CORIN: variants seen among roughly 807,000 people sequenced by gnomAD.
The protein encoded by CORIN is atrial natriuretic peptide-converting enzyme.
Under a neutral mutation model 125.3 loss-of-function variants are expected in CORIN, and 117 were observed. That is an observed-to-expected ratio of 0.93 (90% CI 0.80 to 1.09). The LOEUF is 1.09. Among genes scored for constraint, CORIN ranks in the 50% least tolerant of loss-of-function variants. CORIN has a pLI of 0.00. For synonymous variants in CORIN, 450 were observed against 466.4 expected (o/e 0.96, Z 0.45); for missense variants, 1,253 against 1,306.7 (o/e 0.96, Z 0.63).
At chr4:47,693,740 T>C (rs571000416) in intron 5 of CORIN, among the ~76,000 whole-genome samples, 1 of 152,364 alleles carries the variant, frequency 6.6e-6, no homozygotes, top group South Asian at 2.1e-4. Context: ...TTTTTGCTTT[T>C]AATATTTTGG....
chr4:47,648,749 C>T (rs759679019), intron 13 of CORIN, among the ~76,000 whole-genome samples: 3 of 152,132 alleles, frequency 2.0e-5, no homozygotes, highest in South Asian at 2.1e-4. Flanking sequence ...GGAGTGGAGC[C>T]GCTCACAAGG....
chr4:47,761,508 C>CACACACAT (rs397965153), intron 4 of CORIN, among the ~76,000 whole-genome samples: 2 of 151,190 alleles, frequency 1.3e-5, no homozygotes, highest in African/African-American at 4.9e-5. Context: ...CACACACACA[C>CACACACAT]ATATACACAA....
intron 20 of CORIN, among the ~76,000 whole-genome samples, chr4:47,601,193 G>C (rs1483904630): frequency 6.6e-6 from 1 of 152,130 alleles, no homozygotes; most frequent in African/African-American, 2.4e-5. Flanking sequence ...GCACTAGTGG[G>C]TCTCATTGCC....
chr4:47,801,199 A>C (rs1163283750), intron 2 of CORIN, among the ~76,000 whole-genome samples: 1 of 152,240 alleles, frequency 6.6e-6, no homozygotes, highest in Non-Finnish European at 1.5e-5. Flanking sequence ...ACCTGCTTTC[A>C]CTGTTGAATT....
intron 12 of CORIN, among the ~76,000 whole-genome samples, chr4:47,656,076 A>G (rs1723965075): frequency 6.6e-6 from 1 of 152,144 alleles, no homozygotes; most frequent in South Asian, 2.1e-4. Context: ...GAACATTGAC[A>G]TAAAAGTCCT....
chr4:47,812,315 T>C (rs1346333424), intron 1 of CORIN, among the ~76,000 whole-genome samples: 2 of 152,016 alleles, frequency 1.3e-5, no homozygotes, highest in Non-Finnish European at 2.9e-5. Context: ...CTGGACAATA[T>C]AGTGAGACCT....
intron 4 of CORIN, among the ~76,000 whole-genome samples, chr4:47,747,630 TAA>T (rs560470758): frequency 1.4e-3 from 215 of 152,320 alleles, no homozygotes; most frequent in Non-Finnish European, 1.2e-3. Flanking sequence ...GTTCTAAAGT[TAA>T]GTCTTTAATT....
chr4:47,826,329 G>A (rs769908421), intron 1 of CORIN, among the ~76,000 whole-genome samples: 16 of 152,204 alleles, frequency 1.1e-4, no homozygotes, highest in Non-Finnish European at 2.1e-4. Context: ...GTTTCTTCTT[G>A]CTGCTGTAAC....
chr4:47,688,155 C>G (rs565215378), intron 6 of CORIN, among the ~76,000 whole-genome samples: 1 of 152,268 alleles, frequency 6.6e-6, no homozygotes, highest in East Asian at 1.9e-4. Flanking sequence ...TAGCTTTAAT[C>G]CCATCTTTTC....
chr4:47,694,715 G>A (rs1725907352), intron 5 of CORIN, among the ~76,000 whole-genome samples: 1 of 152,166 alleles, frequency 6.6e-6, no homozygotes. Flanking sequence ...GGAGTGCCTG[G>A]CACTCAGGAG....
intron 2 of CORIN, among the ~76,000 whole-genome samples, chr4:47,794,485 T>A (rs904215562): frequency 2.6e-5 from 4 of 152,206 alleles, no homozygotes; most frequent in African/African-American, 9.6e-5. Flanking sequence ...TTCCATCATA[T>A]TAAGAAAACT....
At chr4:47,700,465 G>A (rs992645538) in intron 5 of CORIN, among the ~76,000 whole-genome samples, 2 of 152,180 alleles carry the variant, frequency 1.3e-5, no homozygotes, top group Non-Finnish European at 2.9e-5. Context: ...TCAAAAAGCT[G>A]ATGAGAAAGA....
chr4:47,661,615 C>CAAATAGA, intron 12 of CORIN, 96 bp downstream of exon 12: 1 of 1,163,492 alleles, frequency 8.6e-7, no homozygotes, highest in South Asian at 2.1e-5. Context: ...AAATAGAAAA[C>CAAATAGA]AAACAAACAA....
At chr4:47,780,704 A>G (rs953721488) in intron 3 of CORIN, among the ~76,000 whole-genome samples, 1 of 152,160 alleles carries the variant, frequency 6.6e-6, no homozygotes, top group South Asian at 2.1e-4. Flanking sequence ...TCTGTCTGAT[A>G]TAACTATTTT....
In CORIN at chr4:47,763,417, G is replaced by A. The variant is rs754606653; in HGVS notation, c.579C>T (p.Thr193=). 4 of 1,614,010 alleles carry A rather than the reference G, an allele frequency of 2.5e-6. No individual in the cohort carries two copies. The South Asian group carries it at 3.3e-5, about 13-fold the overall frequency. The change falls in exon 4 of 22, where the codon ACC becomes ACT. Residue 193 remains threonine (T), a synonymous_variant. Coordinates refer to ENST00000273857, the MANE Select transcript of CORIN (RefSeq NM_006587.4). ...CYQHIMLFGC[T]LAFPECIIDG... is the part of the protein sequence containing the mutation. ...CAATGATGCACTCAGGGAAGGCGAG[G>A]GTACAGCCAAACAGCATGATATGTT...
intron 5 of CORIN, among the ~76,000 whole-genome samples, chr4:47,696,624 C>T (rs1408491088): frequency 1.3e-5 from 2 of 152,112 alleles, no homozygotes; most frequent in African/African-American, 4.8e-5. Context: ...AGTTATACTG[C>T]CTAAAAAGCT....
intron 3 of CORIN, among the ~76,000 whole-genome samples, chr4:47,774,565 G>C (rs1577911939): frequency 1.3e-5 from 2 of 152,212 alleles, no homozygotes; most frequent in East Asian, 3.9e-4. Flanking sequence ...TCCGCCATAA[G>C]TCTGGCTTGT....
intron 10 of CORIN, among the ~76,000 whole-genome samples, chr4:47,670,449 C>T (rs1484557077): frequency 2.0e-5 from 3 of 152,170 alleles, no homozygotes; most frequent in Admixed American, 6.5e-5. Flanking sequence ...ATGACTACAC[C>T]GTTTACTCCT....
At chr4:47,815,810 T>C (rs1732240949) in intron 1 of CORIN, among the ~76,000 whole-genome samples, 1 of 152,148 alleles carries the variant, frequency 6.6e-6, no homozygotes, top group South Asian at 2.1e-4. Flanking sequence ...TTGATAAAAA[T>C]GTTCTAAATT....
Sources: gnomAD v4.1 joint callset for allele counts (sites outside exome capture counted in the v4.1 genomes callset) on GRCh38, gnomAD v4.1.1 for gene constraint, MANE v1.5 for transcripts, NCBI Gene and HGNC (gene_info 2026-07-23, HGNC 2026-07-21) for gene names.